Variants in APBB1IP observed in about 807,000 individuals in gnomAD.
The protein encoded by APBB1IP is amyloid beta A4 precursor protein-binding family B member 1-interacting protein.
A neutral mutation model predicts 64.9 loss-of-function variants in APBB1IP; 27 were observed. The ratio of observed to expected loss-of-function variants is 0.42; its 90% CI spans 0.31 to 0.57. The LOEUF (loss-of-function observed/expected upper bound fraction) is 0.57. Among genes scored for constraint, APBB1IP ranks in the 20% least tolerant of loss-of-function variants. APBB1IP has a pLI of 0.20. For synonymous variants in APBB1IP, 392 were observed against 331.0 expected (o/e 1.18, Z -2.00); for missense variants, 812 against 845.5 (o/e 0.96, Z 0.49).
intron 8 of APBB1IP, among the ~76,000 whole-genome samples, chr10:26,529,907 C>T (rs1836526961): frequency 1.3e-5 from 2 of 152,298 alleles, no homozygotes; most frequent in East Asian, 3.9e-4. Flanking sequence ...ACCCAAAGTA[C>T]TGGGATTACA....
At chr10:26,533,565 G>A (rs376567867) in intron 9 of APBB1IP, 40 bp downstream of exon 9, 19 of 1,350,626 alleles carry the variant, frequency 1.4e-5, no homozygotes, top group South Asian at 2.9e-5. Flanking sequence ...AGAGAAGGAC[G>A]TTTGCTCTAT....
chr10:26,511,887 C>G lies in APBB1IP; in HGVS notation c.672C>G (p.Ile224Met). 1 of 1,614,200 alleles carries G rather than the reference C, an allele frequency of 6.2e-7. No homozygotes were observed. Among genetic ancestry groups the G allele is most frequent in the Non-Finnish European group, 8.5e-7 (1 of 1,180,032 alleles). The change falls in exon 7 of 15, where the codon ATC (isoleucine) becomes ATG (methionine). Residue 224 changes from isoleucine to methionine, a missense_variant. Physicochemically the swap from Ile to Met is conservative, Grantham distance 10. Coordinates refer to ENST00000376236, the MANE Select transcript of APBB1IP (RefSeq NM_019043.4). ...DCNVDWCLYE[I>M]YPELQIERFF... ...ATGTAGACTGGTGTCTTTATGAAATCTACCCGGAACTACAAATTGGTAAGT... is the reference window on the plus strand; with the variant it reads ...ATGTAGACTGGTGTCTTTATGAAATGTACCCGGAACTACAAATTGGTAAGT...
At chr10:26,525,137 C>A (rs1836457571) in intron 8 of APBB1IP, among the ~76,000 whole-genome samples, 1 of 151,472 alleles carries the variant, frequency 6.6e-6, no homozygotes, top group Admixed American at 6.6e-5. Context: ...TAAAAATTAG[C>A]TGGGCGGGGT....
chr10:26,567,219 C>G lies in APBB1IP; in HGVS notation c.1732C>G (p.Pro578Ala). The G allele has an allele frequency of 7.3e-7, 1 of 1,368,488 alleles. No homozygotes were observed. The allele number at this position is 1,368,488 out of a possible 1,614,324, so 84.8% of individuals were successfully genotyped here. Reference sequence around the variant, plus strand: ...GCCGCCGCCCCCGGACTTCATGGAGCCGCCCCCAGACTTCGTGCCCCCGCC... The same window carrying G: ...GCCGCCGCCCCCGGACTTCATGGAGGCGCCCCCAGACTTCGTGCCCCCGCC... ...LPPPPPDFME[P>A]PPDFVPPPPP... The change falls in exon 15 of 15, where the codon CCG becomes GCG. Residue 578 changes from proline (P) to alanine (A), a missense_variant. Around this residue, in one of 3 missense-constraint regions of APBB1IP, gnomAD observed 381 missense variants for 352.1 expected, o/e 1.08. Coordinates refer to ENST00000376236, the MANE Select transcript of APBB1IP (RefSeq NM_019043.4).
Position 26,567,215 on chromosome 10 carries a change from G to T in APBB1IP, c.1728G>T (p.Met576Ile). ...TCCCGCCGCCGCCCCCGGACTTCAT[G>T]GAGCCGCCCCCAGACTTCGTGCCCC... ...PELPPPPPDF[M>I]EPPPDFVPPP... The change falls in exon 15 of 15, where the codon ATG becomes ATT. Residue 576 changes from methionine to isoleucine, a missense_variant. Around this residue, in one of 3 missense-constraint regions of APBB1IP, gnomAD observed 381 missense variants for 352.1 expected, o/e 1.08. Transcript: ENST00000376236. 7.3e-7 allele frequency: 1 copy of T among 1,371,696 alleles called. No homozygotes were observed. The highest frequency in any genetic ancestry group is 1.5e-5 in the South Asian group (1 of 66,006). The allele number at this position is 1,371,696 out of a possible 1,614,324, so 85.0% of individuals were successfully genotyped here.
rs9664046 is a variant in APBB1IP, at chr10:26,527,559, G to C, written c.814-5880G>C. On this transcript the variant is annotated intron_variant, in intron 8 of 14. Coordinates refer to ENST00000376236, the MANE Select transcript of APBB1IP (RefSeq NM_019043.4). ...CCTTGTCTCAAAAAAAAAAAAAAAA[G>C]AAAAAAATACTATCTCAGAATCCCA... Among the ~76,000 whole-genome samples, 963 of 145,270 alleles carry C rather than the reference G, an allele frequency of 6.6e-3. 17 individuals are homozygous for C. Among genetic ancestry groups the C allele is most frequent in the South Asian group, 0.059 (267 of 4,534 alleles).
Position 26,499,617 on chromosome 10 carries a change from T to C in APBB1IP, c.161-1202T>C, listed in dbSNP as rs187922569. On this transcript the variant is annotated intron_variant, in intron 4 of 14. Transcript: ENST00000376236. Reference sequence around the variant, plus strand: ...CATCCTTTGTTCATTACATTCACTATATAATGTATGCCTGATCATCAAAGT... The same window carrying C: ...CATCCTTTGTTCATTACATTCACTACATAATGTATGCCTGATCATCAAAGT... 2.6e-5 allele frequency among the ~76,000 whole-genome samples: 4 copies of C among 152,294 alleles called. No homozygotes were observed. In the East Asian group the frequency reaches 5.8e-4, roughly 22 times the overall value.
intron 4 of APBB1IP, among the ~76,000 whole-genome samples, chr10:26,497,662 A>G (rs1325011248): frequency 3.3e-5 from 5 of 152,014 alleles, no homozygotes. Flanking sequence ...GAAAAGCAAA[A>G]TAGGAGAAAA....
At chr10:26,458,158 TC>T (rs1835549107) in intron 2 of APBB1IP, among the ~76,000 whole-genome samples, 1 of 152,278 alleles carries the variant, frequency 6.6e-6, no homozygotes, top group East Asian at 1.9e-4. Flanking sequence ...GAGGCCAAGG[TC>T]GGTGGATCAC....
intron 2 of APBB1IP, among the ~76,000 whole-genome samples, chr10:26,448,610 G>A (rs774455663): frequency 6.6e-6 from 1 of 152,162 alleles, no homozygotes; most frequent in Non-Finnish European, 1.5e-5. Context: ...GAAGTAAACA[G>A]CATTTGCAAT....
At chr10:26,560,454 C>G (rs767590251) in intron 12 of APBB1IP, among the ~76,000 whole-genome samples, 1 of 152,072 alleles carries the variant, frequency 6.6e-6, no homozygotes, top group Admixed American at 6.6e-5. Context: ...CAAGATGGAA[C>G]CTGTGATCGA....
rs1282646518 is a variant in APBB1IP at position 26,560,809 on chromosome 10, C to T, written c.1334C>T (p.Thr445Ile). 6 of 1,602,446 alleles carry T rather than the reference C, an allele frequency of 3.7e-6. No individual in the cohort carries two copies. Among genetic ancestry groups the T allele is most frequent in the Admixed American group, 1.7e-5 (1 of 58,010 alleles). The stretch of plus-strand genomic sequence containing the variant: ...GCCTCTCGGTGGACAAACTTGGGGA[C>T]AGTCAATGCAGCTGCACCAGCTCAG... ...GLASRWTNLGTVNAAAPAQPS... is the reference protein window; with the variant it reads ...GLASRWTNLGIVNAAAPAQPS... Residue 445 changes from threonine (T) to isoleucine (I), a missense_variant, in exon 13 of 15, where the codon ACA becomes ATA. By Grantham distance (89) the Thr-to-Ile change is moderately conservative. This residue lies in a region of APBB1IP where 381 missense variants were observed against 352.1 expected (regional missense o/e 1.08). Transcript: ENST00000376236.
intron 6 of APBB1IP, 45 bp from the exon 7 acceptor site, chr10:26,511,702 T>G (rs751574003): frequency 6.2e-7 from 1 of 1,605,738 alleles, no homozygotes; most frequent in East Asian, 2.2e-5. Flanking sequence ...AGTAGCCTTC[T>G]CCAGTTGCTG....
Position 26,567,329 on chromosome 10 carries a change from C to G in APBB1IP, c.1842C>G (p.Pro614=), listed in dbSNP as rs1255223705. ...PPPAPAPAPV[P]DSARPPPAVA... is the part of the protein sequence containing the mutation. ...CCGCGCCCGCGCCCGCCCCCGTCCC[C>G]GACTCCGCCAGGCCGCCCCCCGCGG... Residue 614 remains proline, a synonymous_variant, in exon 15 of 15, where the codon CCC becomes CCG. Transcript: ENST00000376236. 4.5e-6 allele frequency: 6 copies of G among 1,323,606 alleles called. No homozygotes were observed. Among genetic ancestry groups the G allele is most frequent in the Non-Finnish European group, 5.9e-6 (6 of 1,020,998 alleles). The allele number at this position is 1,323,606 out of a possible 1,614,324, so 82.0% of individuals were successfully genotyped here.
intron 11 of APBB1IP, among the ~76,000 whole-genome samples, chr10:26,547,597 A>C (rs1836782763): frequency 6.6e-6 from 1 of 150,656 alleles, no homozygotes; most frequent in Admixed American, 6.6e-5. Flanking sequence ...ACGCGCCACC[A>C]CTCCCAGCTA....
intron 5 of APBB1IP, among the ~76,000 whole-genome samples, chr10:26,502,702 A>G (rs1031262788): frequency 6.6e-6 from 1 of 152,182 alleles, no homozygotes; most frequent in Non-Finnish European, 1.5e-5. Context: ...CCCTTTAAGA[A>G]TCTAATAAAA....
chr10:26,440,348 T>C (rs1835326771), intron 2 of APBB1IP, among the ~76,000 whole-genome samples: 4 of 152,232 alleles, frequency 2.6e-5, no homozygotes, highest in South Asian at 2.1e-4. Flanking sequence ...ACTGGAATAC[T>C]GGCAACATTA....
chr10:26,498,030 ATTTC>A (rs1836049607), intron 4 of APBB1IP, among the ~76,000 whole-genome samples: 1 of 152,036 alleles, frequency 6.6e-6, no homozygotes, highest in African/African-American at 2.4e-5. Context: ...CCCGACCAGG[ATTTC>A]TTTGTTTCTA....
In APBB1IP at chr10:26,479,274, G is replaced by A. The variant is rs1345341642; in HGVS notation, c.1-13053G>A. ...CCCGCCACTGCACTCCAGCCTGGGC[G>A]ACAGAGCGAGACTCCGTCTCAAAAA... On this transcript the variant is annotated intron_variant, in intron 2 of 14. Coordinates refer to ENST00000376236, the MANE Select transcript of APBB1IP (RefSeq NM_019043.4). Among the ~76,000 whole-genome samples the A allele has an allele frequency of 8.8e-4, 2 of 2,278 alleles. 1 individual carries two copies. The highest frequency in any genetic ancestry group is 1.0e-3 in the Non-Finnish European group (2 of 1,924). The allele number at this position is 2,278 out of a possible 152,430, so 1.5% of individuals were successfully genotyped here.
Sources: gnomAD v4.1 joint callset for allele counts (sites outside exome capture counted in the v4.1 genomes callset) on GRCh38, gnomAD v4.1.1 for gene constraint, gnomAD v4.1.1 regional missense constraint, MANE v1.5 for transcripts, NCBI Gene and HGNC (gene_info 2026-07-23, HGNC 2026-07-21) for gene names.